CALN1: variants seen among roughly 807,000 people sequenced by gnomAD.
The protein encoded by CALN1 is calneuron 1.
CALN1 carries 17 observed loss-of-function variants against 30.6 expected under a neutral mutation model. The observed-to-expected ratio is 0.56, with a 90% confidence interval of 0.38 to 0.83. The LOEUF is 0.83. CALN1 is among the 40% of genes least tolerant of loss of function. CALN1 has a pLI of 0.00. For synonymous variants in CALN1, 156 were observed against 131.4 expected (o/e 1.19, Z -1.28); for missense variants, 291 against 354.9 (o/e 0.82, Z 1.45).
At chr7:72,499,300 G>T in the CALN1 span, among the ~76,000 whole-genome samples, 3 of 152,084 alleles carry the variant, frequency 2.0e-5, no homozygotes, top group Non-Finnish European at 4.4e-5. Flanking sequence ...CAAAGTGCTG[G>T]AATTACAGGC....
intron 3 of CALN1, among the ~76,000 whole-genome samples, chr7:72,209,539 C>A (rs570568339): frequency 1.1e-5 from 1 of 95,232 alleles, no homozygotes; most frequent in African/African-American, 3.4e-5. Context: ...TCCCTCTCTC[C>A]GCCCTCCGTT....
chr7:72,263,806 A>T (rs912604359), intron 3 of CALN1, among the ~76,000 whole-genome samples: 1 of 152,192 alleles, frequency 6.6e-6, no homozygotes, highest in Non-Finnish European at 1.5e-5. Context: ...CTATGTGCCT[A>T]TCATTTCACT....
rs539367104 is a variant in CALN1 at position 72,344,712 on chromosome 7, C to T, written c.119+58539G>A. The stretch of plus-strand genomic sequence containing the variant: ...TTATTTACATTTTTATTTATATATG[C>T]TTATTATATAAATGGCTTTTTATAA... On this transcript the variant is annotated intron_variant, in intron 2 of 6. Coordinates refer to ENST00000395275, the MANE Select transcript of CALN1 (RefSeq NM_031468.4). 3.7e-3 allele frequency among the ~76,000 whole-genome samples: 530 copies of T among 142,450 alleles called. 5 individuals are homozygous for T. The highest frequency in any genetic ancestry group is 0.019 in the Middle Eastern group (5 of 258). The allele number at this position is 142,450 out of a possible 152,430, so 93.5% of individuals were successfully genotyped here. A position where few individuals can be genotyped will look rare whatever the true frequency, so the allele number is the denominator to read the frequency against.
chr7:72,095,448 A>G (rs1037505157), intron 4 of CALN1, among the ~76,000 whole-genome samples: 21 of 152,202 alleles, frequency 1.4e-4, no homozygotes, highest in Non-Finnish European at 2.4e-4. Flanking sequence ...GTGAAATACA[A>G]AAGAGTTTAA....
chr7:71,885,079 C>T (rs985962684), intron 5 of CALN1, among the ~76,000 whole-genome samples: 1 of 152,330 alleles, frequency 6.6e-6, no homozygotes, highest in Non-Finnish European at 1.5e-5. Flanking sequence ...GTCAAAACTT[C>T]ACCTATAGCC....
At chr7:72,122,842 A>C (rs1203595664) in intron 3 of CALN1, among the ~76,000 whole-genome samples, 2 of 152,218 alleles carry the variant, frequency 1.3e-5, no homozygotes, top group South Asian at 2.1e-4. Flanking sequence ...AGGTGCTAAG[A>C]CCAGGTCCCA....
At chr7:72,256,161 C>G (rs527580218) in intron 3 of CALN1, among the ~76,000 whole-genome samples, 2 of 152,294 alleles carry the variant, frequency 1.3e-5, no homozygotes, top group African/African-American at 4.8e-5. Context: ...AATTCCATCT[C>G]GAAGAATTCT....
At chr7:71,965,374 T>C (rs1285519044) in intron 5 of CALN1, among the ~76,000 whole-genome samples, 4 of 152,160 alleles carry the variant, frequency 2.6e-5, no homozygotes, top group African/African-American at 7.2e-5. Context: ...GATACTAAGA[T>C]ACTACTTTTG....
intron 5 of CALN1, among the ~76,000 whole-genome samples, chr7:71,850,056 T>G (rs937174802): frequency 3.3e-5 from 5 of 152,154 alleles, no homozygotes; most frequent in Non-Finnish European, 7.4e-5. Flanking sequence ...CCTGCGTGCA[T>G]GGAGGCAAGA....
chr7:72,020,030 T>C (rs1054745819), intron 5 of CALN1, among the ~76,000 whole-genome samples: 25 of 152,280 alleles, frequency 1.6e-4, no homozygotes, highest in African/African-American at 6.0e-4. Context: ...CCTGGATATC[T>C]GGAGGTGAAA....
At chr7:71,913,878 C>T (rs1259620834) in intron 5 of CALN1, 1 of 152,198 alleles carries the variant, frequency 6.6e-6, no homozygotes, top group African/African-American at 2.4e-5. Flanking sequence ...TTTTAATACA[C>T]ATTATCCATT....
chr7:72,199,697 A>C (rs546343086), intron 3 of CALN1, among the ~76,000 whole-genome samples: 1 of 152,346 alleles, frequency 6.6e-6, no homozygotes, highest in African/African-American at 2.4e-5. Context: ...TATTTAAAAA[A>C]TTAGCCAGGC....
chr7:71,917,004 T>C (rs572306593), intron 5 of CALN1, among the ~76,000 whole-genome samples: 60 of 152,254 alleles, frequency 3.9e-4, no homozygotes, highest in African/African-American at 1.4e-3. Flanking sequence ...TTCCACCTTA[T>C]AGCTCACAGA....
rs549602465 is a variant in CALN1 at position 72,302,953 on chromosome 7, G to C, written c.120-24143C>G. 6.9e-5 allele frequency among the ~76,000 whole-genome samples: 10 copies of C among 144,782 alleles called. No individual in the cohort carries two copies. The South Asian group carries it at 1.4e-3, about 20-fold the overall frequency. The allele number at this position is 144,782 out of a possible 152,430, so 95.0% of individuals were successfully genotyped here. A position where few individuals can be genotyped will look rare whatever the true frequency, so the allele number is the denominator to read the frequency against. ...CCGGGCCTGGTGGCATCCATCTGTAGTCCCAGTTACCACAGAGACTGAGGC... is the reference window on the plus strand; with the variant it reads ...CCGGGCCTGGTGGCATCCATCTGTACTCCCAGTTACCACAGAGACTGAGGC... On this transcript the variant is annotated intron_variant, in intron 2 of 6. Coordinates refer to ENST00000395275, the MANE Select transcript of CALN1 (RefSeq NM_031468.4).
intron 3 of CALN1, among the ~76,000 whole-genome samples, chr7:72,248,055 C>T (rs1392805402): frequency 6.6e-6 from 1 of 152,172 alleles, no homozygotes; most frequent in Non-Finnish European, 1.5e-5. Flanking sequence ...AGTCAGAAGT[C>T]CTGAAGTCAA....
At chr7:72,477,165 C>T in the CALN1 span, among the ~76,000 whole-genome samples, 1 of 151,370 alleles carries the variant, frequency 6.6e-6, no homozygotes, top group African/African-American at 2.5e-5. Context: ...GAGCTGAGAT[C>T]GTGCCACTGA....
intron 3 of CALN1, among the ~76,000 whole-genome samples, chr7:72,262,492 C>T (rs1394279673): frequency 3.9e-5 from 6 of 152,162 alleles, no homozygotes; most frequent in Admixed American, 1.3e-4. Context: ...AGTTCTTCAA[C>T]GTGCCCTTTT....
chr7:71,878,601 G>C (rs1465670009), intron 5 of CALN1, among the ~76,000 whole-genome samples: 1 of 152,122 alleles, frequency 6.6e-6, no homozygotes, highest in African/African-American at 2.4e-5. Context: ...GTGAACAGCT[G>C]AAATGGAAGT....
intron 1 of CALN1, among the ~76,000 whole-genome samples, chr7:72,408,994 T>TGGGGCAGG (rs1806908081): frequency 6.6e-6 from 1 of 150,460 alleles, no homozygotes; most frequent in African/African-American, 2.5e-5. Flanking sequence ...ATACTTTTTT[T>TGGGGCAGG]GGGGCAGGGG....
Sources: allele counts gnomAD v4.1 joint callset (sites outside exome capture counted in the v4.1 genomes callset), GRCh38; gene constraint gnomAD v4.1.1; transcripts MANE v1.5; gene names NCBI Gene and HGNC (gene_info 2026-07-23, HGNC 2026-07-21).